NPM3: variants seen among roughly 807,000 people sequenced by gnomAD.
The protein encoded by NPM3 is nucleophosmin/nucleoplasmin 3.
NPM3 carries 12 observed loss-of-function variants against 18.1 expected under a neutral mutation model. That is an observed-to-expected ratio of 0.66 (90% CI 0.42 to 1.07). The LOEUF is 1.07. Ranked by LOEUF, NPM3 falls within the 50% of genes least tolerant of loss-of-function variation. NPM3 has a pLI of 0.00. For synonymous variants in NPM3, 116 were observed against 93.7 expected, an observed-to-expected ratio of 1.24 and a Z score of -1.38; for missense variants, 274 against 232.1, an observed-to-expected ratio of 1.18 and a Z score of -1.17.
exon 2 of NPM3, chr10:101,782,901 G>T (rs762591426): frequency 1.9e-6 from 3 of 1,613,996 alleles, no homozygotes; most frequent in Middle Eastern, 1.6e-4. Flanking sequence ...GTGAAGGAGC[G>T]GGTGTGGCCG....
At chr10:101,781,820 G>T in exon 5 of NPM3, 1 of 1,614,046 alleles carries the variant, frequency 6.2e-7, no homozygotes, top group South Asian at 1.1e-5. Flanking sequence ...CCTCTTCCTC[G>T]CTCTCCTCCT....
At position 101,783,259 on chromosome 10, in the gene NPM3, C is replaced by G; in HGVS notation, c.118+14G>C. ...CGCCCCAGTACCACCCTCAGCCTCT[C>G]CCTTCACTAATACCGAAGAAAAAAC... is the stretch of plus-strand genomic sequence containing the variant. On this transcript the variant is annotated intron_variant, in intron 1 of 5. Transcript: ENST00000370110. 1 of 1,567,404 alleles carries G rather than the reference C, an allele frequency of 6.4e-7. No individual in the cohort carries two copies. Among genetic ancestry groups the G allele is most frequent in the South Asian group, 1.1e-5 (1 of 88,460 alleles).
exon 2 of NPM3, chr10:101,782,847 G>C: frequency 6.2e-7 from 1 of 1,614,136 alleles, no homozygotes; most frequent in Non-Finnish European, 8.5e-7. Context: ...ACCATGGTTA[G>C]TGCCAGCACG....
exon 6 of NPM3, chr10:101,781,594 G>A: frequency 1.2e-6 from 1 of 829,496 alleles, no homozygotes; most frequent in Non-Finnish European, 1.9e-6. Flanking sequence ...ACTTGTCAGG[G>A]AACAGGGTGC....
Position 101,782,314 on chromosome 10 carries a change from G to GT in NPM3, c.361dup (p.Thr121AsnfsTer25), listed in dbSNP as rs763699677. The GT allele has an allele frequency of 1.2e-6, 2 of 1,614,050 alleles. No individual in the cohort carries two copies. The highest frequency in any genetic ancestry group is 1.7e-6 in the Non-Finnish European group (2 of 1,179,980). ...GCCAGAGCCCGACTTCAGGCGGAAGGTTACAGGTGGTTGGAGCTGGAAGTC... is the reference window on the plus strand; with the variant it reads ...GCCAGAGCCCGACTTCAGGCGGAAGGTTTACAGGTGGTTGGAGCTGGAAGTC... On this transcript the variant is annotated frameshift_variant, in exon 4 of 6. Transcript: ENST00000370110. LOFTEE classifies it high-confidence loss of function.
chr10:101,782,565 A>G (rs893306220), exon 3 of NPM3: 2 of 1,613,946 alleles, frequency 1.2e-6, no homozygotes, highest in Non-Finnish European at 1.7e-6. Flanking sequence ...CTACCACATT[A>G]CACTCGTCTT....
At chr10:101,781,876 G>A in intron 4 of NPM3, 22 bp from the exon 5 acceptor site, 2 of 1,614,160 alleles carry the variant, frequency 1.2e-6, no homozygotes, top group Non-Finnish European at 1.7e-6. Context: ...ACAAGCAGTA[G>A]AAGGATGGGG....
chr10:101,783,422 G>T (rs769682302), upstream of NPM3: 43 of 1,494,340 alleles, frequency 2.9e-5, no homozygotes, highest in Non-Finnish European at 3.9e-5. Context: ...CTCCGCCCCC[G>T]ACACGCACAA....
intron 4 of NPM3, 112 bp downstream of exon 4, chr10:101,782,146 G>T: frequency 1.9e-6 from 2 of 1,035,042 alleles, no homozygotes; most frequent in Non-Finnish European, 2.9e-6. Context: ...ACACAGACCT[G>T]TACAGGGCTG....
Position 101,783,154 on chromosome 10 carries a change from C to A in NPM3, c.118+119G>T, listed in dbSNP as rs368566901. 4 of 894,186 alleles carry A rather than the reference C, an allele frequency of 4.5e-6. No individual in the cohort carries two copies. The East Asian group carries it at 7.4e-5, about 16-fold the overall frequency. 55.4% of individuals were successfully genotyped at this position (894,186 alleles called of 1,614,324 possible). On this transcript the variant is annotated intron_variant, in intron 1 of 5. Transcript: ENST00000370110. Reference sequence around the variant, plus strand: ...TGTGCGTGCGAGGCCCCCTCTCCTGCGGGAACAGCGAAGCAGCCCTCCGCC... The same window carrying A: ...TGTGCGTGCGAGGCCCCCTCTCCTGAGGGAACAGCGAAGCAGCCCTCCGCC...
chr10:101,783,272 C>G lies in NPM3; in HGVS notation c.118+1G>C. 11 of 1,597,166 alleles carry G rather than the reference C, an allele frequency of 6.9e-6. No homozygotes were observed. The highest frequency in any genetic ancestry group is 9.4e-6 in the Non-Finnish European group (11 of 1,169,746). ...CCCTCAGCCTCTCCCTTCACTAATACCGAAGAAAAAACTGTCCATAGTGAC... is the reference window on the plus strand; with the variant it reads ...CCCTCAGCCTCTCCCTTCACTAATAGCGAAGAAAAAACTGTCCATAGTGAC... On this transcript the variant is annotated splice_donor_variant, in intron 1 of 5. Transcript: ENST00000370110. LOFTEE classifies it high-confidence loss of function.
At chr10:101,782,624 G>A in intron 2 of NPM3, 27 bp from the exon 3 acceptor site, 2 of 1,612,682 alleles carry the variant, frequency 1.2e-6, no homozygotes, top group Non-Finnish European at 1.7e-6. Context: ...GGGCCTCAGG[G>A]TCTCCTCAAG....
At chr10:101,782,803 G>T in intron 2 of NPM3, 36 bp downstream of exon 2, 3 of 1,607,626 alleles carry the variant, frequency 1.9e-6, no homozygotes, top group Non-Finnish European at 2.6e-6. Context: ...GCCTGCCTGG[G>T]CTTATTCATT....
At chr10:101,783,345 T>A in exon 1 of NPM3, 1 of 1,612,620 alleles carries the variant, frequency 6.2e-7, no homozygotes, top group Non-Finnish European at 8.5e-7. Flanking sequence ...CGCGTTCGGC[T>A]CTCCTGACTC....
exon 6 of NPM3, chr10:101,781,632 C>A: frequency 7.7e-7 from 1 of 1,302,918 alleles, no homozygotes; most frequent in Non-Finnish European, 1.1e-6. Flanking sequence ...ATGGAGCTGA[C>A]CTGAAAAGAG....
At chr10:101,781,407 C>CA (rs1265167450) in exon 6 of NPM3, 2 of 369,308 alleles carry the variant, frequency 5.4e-6, no homozygotes, top group Admixed American at 4.5e-5. Context: ...GAGCTTCAGG[C>CA]ACTAACCTCC....
At chr10:101,781,340 C>A (rs187598946) in exon 6 of NPM3, 3 of 201,566 alleles carry the variant, frequency 1.5e-5, no homozygotes, top group East Asian at 1.6e-4. Context: ...AAACTCCACA[C>A]CACTTTATTT....
In NPM3 at chr10:101,781,702, C is replaced by G. The variant is rs368530289; in HGVS notation, c.*9+25G>C. ...TTCTCCTGCCCCTTCCCAGAGCCTG[C>G]TAGGCACTTCTCCCCGCAACTCACC... is the stretch of plus-strand genomic sequence containing the variant. On this transcript the variant is annotated intron_variant, in intron 5 of 5. Coordinates refer to ENST00000370110, the Ensembl canonical transcript of NPM3. The G allele has an allele frequency of 1.1e-5, 18 of 1,610,750 alleles. No individual in the cohort carries two copies. The African/African-American group carries it at 2.3e-4, about 20-fold the overall frequency.
At chr10:101,782,309 G>A (rs2065147424) in exon 4 of NPM3, 1 of 1,614,000 alleles carries the variant, frequency 6.2e-7, no homozygotes, top group African/African-American at 1.3e-5. Flanking sequence ...GACTTCAGGC[G>A]GAAGGTTACA....
Sources: allele counts gnomAD v4.1 joint callset, GRCh38; gene constraint gnomAD v4.1.1; transcripts MANE v1.5; gene names NCBI Gene and HGNC (gene_info 2026-07-23, HGNC 2026-07-21).